SLC13A5: variants seen among roughly 807,000 people sequenced by gnomAD.
SLC13A5 encodes the protein solute carrier family 13 member 5, also known as Na(+)/citrate cotransporter.
In SLC13A5, 25 loss-of-function variants were observed where a neutral mutation model predicts 56.5. The observed-to-expected ratio is 0.44, with a 90% CI of 0.32 to 0.62. The LOEUF (loss-of-function observed/expected upper bound fraction) is 0.62, where lower values mean the gene tolerates loss of function less well. Among genes scored for constraint, SLC13A5 ranks in the 20% least tolerant of loss-of-function variants. The pLI is 0.04. For missense variants in SLC13A5, 649 were observed against 737.8 expected (o/e 0.88, Z 1.39); for synonymous variants, 307 against 301.5 (o/e 1.02, Z -0.19).
intron 10 of SLC13A5, chr17:6,689,492 C>CTA (rs1973337331): frequency 6.6e-6 from 1 of 152,278 alleles, no homozygotes. Flanking sequence ...TTAGGGCCTG[C>CTA]ATTTGCCTGG....
rs558133289 is a variant in SLC13A5 at position 6,711,132 on chromosome 17, G to C, written c.102+2100C>G. On this transcript the variant is annotated intron_variant, in intron 1 of 11. Transcript: ENST00000433363. The surrounding 1 kb of genome is among the most constrained non-coding windows in gnomAD (Gnocchi z 4.0). ...TGGGAGTCACCTCCTGGCAAGGACT[G>C]TGTTGCTCAGGCTGCCAAGGTCCTC... Among the ~76,000 whole-genome samples the C allele has an allele frequency of 3.9e-3, 587 of 152,182 alleles. 7 individuals carry two copies. Among genetic ancestry groups the C allele is most frequent in the African/African-American group, 0.013 (557 of 41,512 alleles).
rs370020005 is a variant in SLC13A5, at chr17:6,694,126, T to C, written c.1127A>G (p.Lys376Arg). The stretch of plus-strand genomic sequence containing the variant: ...CTCAGTCTGGCTGCGGAAGTTAAAC[T>C]TGGGCTTCTGTGAAGGCACAATGAA... ...LLFIVPSQKP[K>R]FNFRSQTEEE... is the part of the protein sequence containing the mutation. Residue 376 changes from lysine to arginine, a missense_variant, in exon 8 of 12, where the codon AAG becomes AGG. Transcript: ENST00000433363. 4.6e-5 allele frequency: 75 copies of C among 1,613,664 alleles called. No homozygotes were observed. The highest frequency in any genetic ancestry group is 6.1e-5 in the Non-Finnish European group (72 of 1,179,776).
In SLC13A5 at chr17:6,704,682, A is replaced by G. The variant is rs1477822783; in HGVS notation, c.369-626T>C. Reference sequence around the variant, plus strand: ...ATGCTGCAGTGGAGCTATCACACAAACAGTATTCAGAAGAAACACTCCCTT... The same window carrying G: ...ATGCTGCAGTGGAGCTATCACACAAGCAGTATTCAGAAGAAACACTCCCTT... On this transcript the variant is annotated intron_variant, in intron 3 of 11. Transcript: ENST00000433363. The G allele has an allele frequency of 2.7e-5, 5 of 185,962 alleles. No individual in the cohort carries two copies. The East Asian group carries it at 7.0e-4, about 26-fold the overall frequency. 11.5% of individuals were successfully genotyped at this position (185,962 alleles called of 1,614,324 possible).
chr17:6,685,502 T>C lies in SLC13A5; in HGVS notation c.*705A>G, dbSNP rs1371108934. On this transcript the variant is annotated 3_prime_UTR_variant, in exon 12 of 12. Coordinates refer to ENST00000433363, the MANE Select transcript of SLC13A5 (RefSeq NM_177550.5). This position sits in a 1 kb window ranked among gnomAD's most constrained non-coding sequence, Gnocchi z 4.2. ...AGAGGTGGGACAGGGGGCCAGTCGA[T>C]TAAAACAGAACCAAGTGATGAAGGG... 6.6e-6 allele frequency: 1 copy of C among 152,354 alleles called. No homozygotes were observed. Among genetic ancestry groups the C allele is most frequent in the African/African-American group, 2.4e-5 (1 of 41,412 alleles). 9.4% of individuals were successfully genotyped at this position (152,354 alleles called of 1,614,324 possible).
intron 10 of SLC13A5, chr17:6,690,088 A>AAAAAAAAC (rs1973363542): frequency 1.4e-5 from 2 of 139,696 alleles, no homozygotes; most frequent in Non-Finnish European, 3.0e-5. Context: ...AAAAAAAAAA[A>AAAAAAAAC]AAAAAAACCA....
In SLC13A5 at chr17:6,684,969, C is replaced by T. The variant is rs1482215599; in HGVS notation, c.*1238G>A. The T allele has an allele frequency of 2.3e-5, 2 of 86,832 alleles. No individual in the cohort carries two copies. The highest frequency in any genetic ancestry group is 3.5e-5 in the Non-Finnish European group (1 of 28,382). 5.4% of individuals were successfully genotyped at this position (86,832 alleles called of 1,614,324 possible). ...AGATGCTTGTCTCTCATGTCTGTCT[C>T]TTACAGGGGGGTTCTGAAGATTCCC... is the stretch of plus-strand genomic sequence containing the variant. On this transcript the variant is annotated 3_prime_UTR_variant, in exon 12 of 12. Coordinates refer to ENST00000433363, the MANE Select transcript of SLC13A5 (RefSeq NM_177550.5).
chr17:6,690,895 G>A lies in SLC13A5; in HGVS notation c.1321C>T (p.His441Tyr). ...GTGATGGCTGCCGGGGGCACTGCGT[G>A]CAAGGGCTCCATCTGCTTCCCCATC... ...VWMGKQMEPL[H>Y]AVPPAAITLI... Residue 441 changes from histidine (H) to tyrosine (Y), a missense_variant, in exon 10 of 12, where the codon CAC becomes TAC. His to Tyr is a moderately conservative substitution (Grantham distance 83). Coordinates refer to ENST00000433363, the MANE Select transcript of SLC13A5 (RefSeq NM_177550.5). 1 of 1,614,020 alleles carries A rather than the reference G, an allele frequency of 6.2e-7. No individual in the cohort carries two copies. The highest frequency in any genetic ancestry group is 8.5e-7 in the Non-Finnish European group (1 of 1,179,902).
rs770378924 is a variant in SLC13A5, at chr17:6,702,983, C to T, written c.703G>A (p.Gly235Ser). 13 of 1,614,118 alleles carry T rather than the reference C, an allele frequency of 8.1e-6. No individual in the cohort carries two copies. The highest frequency in any genetic ancestry group is 3.3e-5 in the South Asian group (3 of 91,066). Reference protein sequence around the residue: ...TGTGPNVVLLGQMNELFPDSK... With the variant: ...TGTGPNVVLLSQMNELFPDSK... ...CCAAGGACTCACTCGTTCATCTGGC[C>T]CAGGAGCACCACGTTGGGTCCCGTC... The change falls in exon 5 of 12, where the codon GGC becomes AGC. Residue 235 changes from glycine (G) to serine (S), a missense_variant. Transcript: ENST00000433363.
chr17:6,686,098 T>C lies in SLC13A5; in HGVS notation c.*109A>G. ...GCTGGGTTTTGGTGGTGTGTGGACA[T>C]CGTTGGGTCATTTTGGGGTGTGAAC... On this transcript the variant is annotated 3_prime_UTR_variant, in exon 12 of 12. Coordinates refer to ENST00000433363, the MANE Select transcript of SLC13A5 (RefSeq NM_177550.5). 3 of 1,502,190 alleles carry C rather than the reference T, an allele frequency of 2.0e-6. No homozygotes were observed. The highest frequency in any genetic ancestry group is 2.7e-6 in the Non-Finnish European group (3 of 1,105,164). 93.1% of individuals were successfully genotyped at this position (1,502,190 alleles called of 1,614,324 possible).
At chr17:6,710,979 A>G (rs1296545416) in intron 1 of SLC13A5, among the ~76,000 whole-genome samples, 5 of 152,188 alleles carry the variant, frequency 3.3e-5, no homozygotes, top group Admixed American at 2.0e-4. Flanking sequence ...CAATTAAAAA[A>G]AGACCCAGAG....
At chr17:6,693,943 G>A (rs533384994) in intron 8 of SLC13A5, among the ~76,000 whole-genome samples, 154 bp downstream of exon 8, 33 of 152,248 alleles carry the variant, frequency 2.2e-4, no homozygotes, top group East Asian at 5.8e-4. Flanking sequence ...TAATACCACC[G>A]GTGGCTTGAA....
intron 7 of SLC13A5, among the ~76,000 whole-genome samples, chr17:6,695,205 G>A (rs1262330048): frequency 2.6e-5 from 4 of 152,084 alleles, no homozygotes; most frequent in African/African-American, 4.8e-5. Flanking sequence ...AACACATTAG[G>A]GTCTTATTGT....
At position 6,701,244 on chromosome 17, in the gene SLC13A5, T is replaced by A; in HGVS notation, c.717-118A>T. The stretch of plus-strand genomic sequence containing the variant: ...GAGGCGCGCCTGTGTGGAGGCCACA[T>A]CCTCCTGAGGTCTAGCCACCAAGTC... On this transcript the variant is annotated intron_variant, in intron 5 of 11. Coordinates refer to ENST00000433363, the MANE Select transcript of SLC13A5 (RefSeq NM_177550.5). The surrounding 1 kb of genome is among the most constrained non-coding windows in gnomAD (Gnocchi z 4.1). The A allele has an allele frequency of 7.1e-7, 1 of 1,416,506 alleles. No homozygotes were observed. Among genetic ancestry groups the A allele is most frequent in the Admixed American group, 2.1e-5 (1 of 47,482 alleles). The allele number at this position is 1,416,506 out of a possible 1,614,324, so 87.7% of individuals were successfully genotyped here.
In SLC13A5 at chr17:6,711,434, CACACACAT is replaced by C. The variant is rs1219472785; in HGVS notation, c.102+1790_102+1797del. Among the ~76,000 whole-genome samples, 6 of 94,954 alleles carry C rather than the reference CACACACAT, an allele frequency of 6.3e-5. No homozygotes were observed. In the East Asian group the frequency reaches 2.2e-3, roughly 35 times the overall value. The allele number at this position is 94,954 out of a possible 152,430, so 62.3% of individuals were successfully genotyped here. ...TCTCTCTCTCTCTCTCTCTTACACA[CACACACAT>C]ACACACACATACACACACACTGAGT... On this transcript the variant is annotated intron_variant, in intron 1 of 11. Transcript: ENST00000433363. This position sits in a 1 kb window ranked among gnomAD's most constrained non-coding sequence, Gnocchi z 4.0.
rs935997750 is a variant in SLC13A5, at chr17:6,702,314, C to T, written c.716+656G>A. On this transcript the variant is annotated intron_variant, in intron 5 of 11. Coordinates refer to ENST00000433363, the MANE Select transcript of SLC13A5 (RefSeq NM_177550.5). ...GCCACCCTCAACAGACCATGACTAC[C>T]CCGCGGCAGGGCCCAGGTTTCTCTC... 4.6e-5 allele frequency among the ~76,000 whole-genome samples: 7 copies of T among 152,170 alleles called. No individual in the cohort carries two copies. In the East Asian group the frequency reaches 1.2e-3, roughly 25 times the overall value.
Position 6,713,326 on chromosome 17 carries a change from G to A in SLC13A5, c.8C>T (p.Ser3Leu). The A allele has an allele frequency of 2.5e-6, 4 of 1,613,694 alleles. No homozygotes were observed. The highest frequency in any genetic ancestry group is 3.4e-6 in the Non-Finnish European group (4 of 1,179,790). MASALSYVSKFKS... is the reference protein window; with the variant it reads MALALSYVSKFKS... ...GAACTTGGAGACATAGCTCAGCGCC[G>A]AGGCCATCGCGCGGGAGGGAGACTG... The change falls in exon 1 of 12, where the codon TCG (serine) becomes TTG (leucine). Residue 3 changes from serine (S) to leucine (L), a missense_variant. Coordinates refer to ENST00000433363, the MANE Select transcript of SLC13A5 (RefSeq NM_177550.5). This position sits in a 1 kb window ranked among gnomAD's most constrained non-coding sequence, Gnocchi z 7.3.
intron 1 of SLC13A5, 144 bp from the exon 2 acceptor site, chr17:6,707,300 C>G: frequency 8.7e-7 from 1 of 1,145,184 alleles, no homozygotes; most frequent in South Asian, 1.5e-5. Context: ...TGTTCCCCAG[C>G]CCTGGTCAGC....
In SLC13A5 at chr17:6,686,053, G is replaced by C. The variant is rs562585673; in HGVS notation, c.*154C>G. 1.6e-5 allele frequency: 17 copies of C among 1,066,624 alleles called. No homozygotes were observed. The African/African-American group carries it at 2.7e-4, about 17-fold the overall frequency. 66.1% of individuals were successfully genotyped at this position (1,066,624 alleles called of 1,614,324 possible). On this transcript the variant is annotated 3_prime_UTR_variant, in exon 12 of 12. Coordinates refer to ENST00000433363, the MANE Select transcript of SLC13A5 (RefSeq NM_177550.5). ...ATGACCATCTCTGCATCTGGGCTTG[G>C]AGGAAGAGGTGGCCCATTGGCTGGG... is the stretch of plus-strand genomic sequence containing the variant.
Position 6,686,103 on chromosome 17 carries a change from G to A in SLC13A5, c.*104C>T, listed in dbSNP as rs890910611. The A allele has an allele frequency of 2.0e-6, 3 of 1,518,516 alleles. No individual in the cohort carries two copies. The highest frequency in any genetic ancestry group is 2.8e-5 in the African/African-American group (2 of 72,602). The allele number at this position is 1,518,516 out of a possible 1,614,324, so 94.1% of individuals were successfully genotyped here. The stretch of plus-strand genomic sequence containing the variant: ...GTTTTGGTGGTGTGTGGACATCGTT[G>A]GGTCATTTTGGGGTGTGAACCCCAA... On this transcript the variant is annotated 3_prime_UTR_variant, in exon 12 of 12. Transcript: ENST00000433363.
Sources: allele counts gnomAD v4.1 joint callset (sites outside exome capture counted in the v4.1 genomes callset), GRCh38; gene constraint gnomAD v4.1.1; non-coding constraint Gnocchi (gnomAD v3.1); transcripts MANE v1.5; gene names NCBI Gene and HGNC (gene_info 2026-07-23, HGNC 2026-07-21).